DCTN1: variants seen among roughly 807,000 people sequenced by gnomAD.
The protein encoded by DCTN1 is dynactin subunit 1, also known as 150 kDa dynein-associated polypeptide.
A neutral mutation model predicts 161.2 loss-of-function variants in DCTN1; 61 were observed. The ratio of observed to expected loss-of-function variants is 0.38; its 90% CI spans 0.31 to 0.47. DCTN1 has a LOEUF of 0.47. Ranked by LOEUF, DCTN1 falls within the 20% of genes least tolerant of loss-of-function variation. The probability of loss-of-function intolerance (pLI) is 0.99; values close to 1 mark genes in which losing one functional copy is unlikely to be tolerated. For synonymous variants in DCTN1, 653 were observed against 632.4 expected (o/e 1.03, Z -0.49); for missense variants, 1,404 against 1,623.7 (o/e 0.86, Z 2.33).
upstream of DCTN1, chr2:74,380,665 A>C: frequency 4.6e-6 from 2 of 430,150 alleles, no homozygotes; most frequent in Non-Finnish European, 9.6e-6. Context: ...TAAACTCTGG[A>C]CTCAGGGTCC....
At position 74,365,917 on chromosome 2, in the gene DCTN1, CTCCTTAA is replaced by C; in HGVS notation, c.2855_2861del (p.Ile952SerfsTer2). 6.2e-7 allele frequency: 1 copy of C among 1,614,248 alleles called. No homozygotes were observed. The highest frequency in any genetic ancestry group is 8.5e-7 in the Non-Finnish European group (1 of 1,180,056). Reference sequence around the variant, plus strand: ...CCTTAATCTTGAGTGACTTCTTCAACTCCTTAATAACTGTCTCTCGATCTTCGAGCTT... The same window carrying C: ...CCTTAATCTTGAGTGACTTCTTCAACTAACTGTCTCTCGATCTTCGAGCTT... On this transcript the variant is annotated frameshift_variant, in exon 24 of 32. Coordinates refer to ENST00000628224, the MANE Select transcript of DCTN1 (RefSeq NM_004082.5). LOFTEE classifies it high-confidence loss of function.
intron 1 of DCTN1, among the ~76,000 whole-genome samples, chr2:74,387,631 G>A (rs907198129): frequency 1.3e-5 from 2 of 152,162 alleles, no homozygotes; most frequent in Non-Finnish European, 2.9e-5. Context: ...TAGTCATTAT[G>A]TCTGGTTAAT....
Position 74,369,549 on chromosome 2 carries a change from G to T in DCTN1, c.1393-58C>A. ...AAGGCAGGGTCGGCCAGCGGCGGTG[G>T]TTCACACCTGTAATCCCAGCACTTT... On this transcript the variant is annotated intron_variant, in intron 13 of 31. Transcript: ENST00000628224. The surrounding 1 kb of genome is among the most constrained non-coding windows in gnomAD (Gnocchi z 4.9). 6.4e-7 allele frequency: 1 copy of T among 1,555,626 alleles called. No homozygotes were observed. The highest frequency in any genetic ancestry group is 8.8e-7 in the Non-Finnish European group (1 of 1,138,178).
chr2:74,372,498 T>C (rs1009387741), intron 7 of DCTN1, among the ~76,000 whole-genome samples: 5 of 152,218 alleles, frequency 3.3e-5, no homozygotes, highest in Admixed American at 2.6e-4. Context: ...CCCCAAGGTC[T>C]CCCAGTGGGC....
chr2:74,361,993 A>G (rs1332071962), intron 31 of DCTN1, 59 bp downstream of exon 31: 5 of 1,554,676 alleles, frequency 3.2e-6, no homozygotes, highest in Non-Finnish European at 3.5e-6. Context: ...TCTGGAGGAG[A>G]GGGGGGCCCG....
chr2:74,368,846 G>A lies in DCTN1; in HGVS notation c.1736C>T (p.Ala579Val). The stretch of plus-strand genomic sequence containing the variant: ...CAGGGACATGTGTCGATTGGCCTGG[G>A]CCACCTCCATCTGCCTCAATTCCAT... ...IEMELRQMEV[A>V]QANRHMSLLT... The change falls in exon 16 of 32, where the codon GCC (alanine) becomes GTC (valine). Residue 579 changes from alanine to valine, a missense_variant. This residue lies in a region of DCTN1 where 278 missense variants were observed against 363.8 expected (regional missense o/e 0.76). Transcript: ENST00000628224. 3.1e-6 allele frequency: 5 copies of A among 1,614,280 alleles called. No individual in the cohort carries two copies. The highest frequency in any genetic ancestry group is 4.2e-6 in the Non-Finnish European group (5 of 1,180,054).
intron 30 of DCTN1, 38 bp from the exon 31 acceptor site, chr2:74,362,179 G>A (rs1024169640): frequency 1.3e-6 from 2 of 1,594,180 alleles, no homozygotes; most frequent in Non-Finnish European, 1.7e-6. Context: ...TTCATTTATG[G>A]GACCCCCACA....
intron 25 of DCTN1, 65 bp from the exon 26 acceptor site, chr2:74,365,306 C>T (rs1222166915): frequency 1.3e-6 from 2 of 1,598,054 alleles, no homozygotes; most frequent in East Asian, 2.3e-5. Context: ...CTATTCAGTC[C>T]TGAGAGGTCC....
At chr2:74,372,969 A>G in intron 6 of DCTN1, 21 bp from the exon 7 acceptor site, 4 of 1,613,562 alleles carry the variant, frequency 2.5e-6, no homozygotes, top group Non-Finnish European at 3.4e-6. Context: ...AACAGGAGCC[A>G]GAAGAGAAGT....
Position 74,370,399 on chromosome 2 carries a change from C to G in DCTN1, c.1128-54G>C. Reference sequence around the variant, plus strand: ...GGAAAGCACGTGTCAGAGTCTCTGGCGATGGGTGCTCTAACACATTTGGAG... The same window carrying G: ...GGAAAGCACGTGTCAGAGTCTCTGGGGATGGGTGCTCTAACACATTTGGAG... On this transcript the variant is annotated intron_variant, in intron 11 of 31. Transcript: ENST00000628224. The surrounding 1 kb of genome is among the most constrained non-coding windows in gnomAD (Gnocchi z 4.4). 6.2e-7 allele frequency: 1 copy of G among 1,614,004 alleles called. No homozygotes were observed. The highest frequency in any genetic ancestry group is 8.5e-7 in the Non-Finnish European group (1 of 1,179,976).
chr2:74,377,602 ACTC>A, intron 3 of DCTN1, 43 bp downstream of exon 3: 1 of 1,558,238 alleles, frequency 6.4e-7, no homozygotes, highest in Non-Finnish European at 8.9e-7. Context: ...AGTCCTGGGG[ACTC>A]CTCCTGGCTA....
chr2:74,384,640 G>C (rs910600178), upstream of DCTN1, among the ~76,000 whole-genome samples: 1 of 152,092 alleles, frequency 6.6e-6, no homozygotes. Context: ...AAAGTGAGGA[G>C]GAAAAGCCTC....
At chr2:74,389,268 T>C (rs1675884658) in intron 1 of DCTN1, among the ~76,000 whole-genome samples, 3 of 152,180 alleles carry the variant, frequency 2.0e-5, no homozygotes. Context: ...GTCTCCAGGA[T>C]GGCAAGGACC....
upstream of DCTN1, among the ~76,000 whole-genome samples, chr2:74,382,160 C>T (rs186838470): frequency 3.4e-4 from 52 of 152,354 alleles, no homozygotes; most frequent in Admixed American, 3.1e-3. Flanking sequence ...GAGCTCAGAT[C>T]TAAAAATAGC....
Position 74,361,612 on chromosome 2 carries a change from T to C in DCTN1, c.3724A>G (p.Thr1242Ala), listed in dbSNP as rs750284492. The C allele has an allele frequency of 1.2e-6, 2 of 1,614,118 alleles. No individual in the cohort carries two copies. The highest frequency in any genetic ancestry group is 1.7e-6 in the Non-Finnish European group (2 of 1,180,006). The change falls in exon 32 of 32, where the codon ACA (threonine) becomes GCA (alanine). Residue 1242 changes from threonine to alanine, a missense_variant. Physicochemically the swap from Thr to Ala is moderately conservative, Grantham distance 58. Around this residue, in one of 9 missense-constraint regions of DCTN1, gnomAD observed 311 missense variants for 298.9 expected, o/e 1.04. Transcript: ENST00000628224. ...AAGGTCACTTTGCCCATGTAGACTG[T>C]GTCATCCTGCTGCTCCTCCTTGGCC... is the stretch of plus-strand genomic sequence containing the variant. ...LRAKEEQQDD[T>A]VYMGKVTFSC...
At chr2:74,371,336 G>A (rs1674827926) in intron 8 of DCTN1, 160 bp from the exon 9 acceptor site, 2 of 1,493,690 alleles carry the variant, frequency 1.3e-6, no homozygotes, top group South Asian at 2.3e-5. Context: ...CCGTAGCACA[G>A]TATATATGGG....
chr2:74,380,409 C>T (rs964556971), upstream of DCTN1: 4 of 499,226 alleles, frequency 8.0e-6, no homozygotes, highest in East Asian at 5.8e-5. Flanking sequence ...GCTGGGCATA[C>T]GCCACAGACC....
intron 5 of DCTN1, chr2:74,374,834 G>C: frequency 1.1e-6 from 1 of 872,248 alleles, no homozygotes; most frequent in Non-Finnish European, 1.4e-6. Context: ...CCAAAGAACA[G>C]GTTTTGGCTC....
Position 74,366,029 on chromosome 2 carries a change from G to A in DCTN1, c.2761-11C>T, listed in dbSNP as rs1235087315. On this transcript the variant is annotated splice_polypyrimidine_tract_variant and intron_variant, in intron 23 of 31. Transcript: ENST00000628224. ...TTCAACCGGTGGAGGCTAAGGAATG[G>A]TCGGTAGGGGGTGAGAAAGTGAGGG... 6.2e-7 allele frequency: 1 copy of A among 1,614,096 alleles called. No homozygotes were observed. Among genetic ancestry groups the A allele is most frequent in the Non-Finnish European group, 8.5e-7 (1 of 1,180,056 alleles).
Sources: allele counts gnomAD v4.1 joint callset (sites outside exome capture counted in the v4.1 genomes callset), GRCh38; gene constraint gnomAD v4.1.1; regional missense constraint gnomAD v4.1.1; non-coding constraint Gnocchi (gnomAD v3.1); transcripts MANE v1.5; gene names NCBI Gene and HGNC (gene_info 2026-07-23, HGNC 2026-07-21).